VSIG1: variants seen among roughly 807,000 people sequenced by gnomAD.
VSIG1 encodes the protein V-set and immunoglobulin domain-containing protein 1.
VSIG1 carries 11 observed loss-of-function variants against 20.1 expected under a neutral mutation model. The observed-to-expected ratio is 0.55, with a 90% CI of 0.34 to 0.91. The LOEUF (loss-of-function observed/expected upper bound fraction) is 0.91, where lower values mean the gene tolerates loss of function less well. Ranked by LOEUF, VSIG1 falls within the 40% of genes least tolerant of loss-of-function variation. VSIG1 has a pLI of 0.02. For missense variants in VSIG1, 283 were observed against 298.8 expected (o/e 0.95, Z 0.39); for synonymous variants, 126 against 116.7 (o/e 1.08, Z -0.52).
the VSIG1 span, among the ~76,000 whole-genome samples, chrX:108,023,705 A>G: frequency 9.0e-6 from 1 of 111,553 alleles, no homozygotes; most frequent in East Asian, 2.8e-4. Context: ...AAGTTTTGTT[A>G]ATTACATTTC....
chrX:108,079,047 C>A lies in VSIG1; in HGVS notation c.*1666C>A, dbSNP rs2031402005. On this transcript the variant is annotated 3_prime_UTR_variant, in exon 7 of 7. Transcript: ENST00000217957. ...TTACCTTTTCACTTGTGGAATTAAT[C>A]ATATTTAAATCTTACTTTAAGGCTC... 1 of 112,343 alleles carries A rather than the reference C, an allele frequency of 8.9e-6. No homozygotes were observed. Among genetic ancestry groups the A allele is most frequent in the East Asian group, 2.8e-4 (1 of 3,592 alleles). 9.3% of individuals were successfully genotyped at this position (112,343 alleles called of 1,213,427 possible).
chrX:108,032,337 T>A, the VSIG1 span, among the ~76,000 whole-genome samples: 11 of 112,247 alleles, frequency 9.8e-5, no homozygotes, highest in Non-Finnish European at 1.7e-4. Context: ...CGCTTCTGTA[T>A]CCACCCATCC....
At chrX:108,063,638 G>C (rs1392008719) in intron 2 of VSIG1, among the ~76,000 whole-genome samples, 1 of 110,843 alleles carries the variant, frequency 9.0e-6, no homozygotes, top group Non-Finnish European at 1.9e-5. Context: ...AATATCCATC[G>C]GGCTCCTGAA....
chrX:108,077,500 G>GT lies in VSIG1; in HGVS notation c.*120dup. On this transcript the variant is annotated 3_prime_UTR_variant, in exon 7 of 7. Coordinates refer to ENST00000217957, the MANE Select transcript of VSIG1 (RefSeq NM_182607.5). ...TTTTGACCAACCTTCTTCTAACAAG[G>GT]TGCTCATTCCTACTATGAATCCAGA... 2.3e-6 allele frequency: 2 copies of GT among 861,048 alleles called. No individual in the cohort carries two copies. Among genetic ancestry groups the GT allele is most frequent in the Non-Finnish European group, 1.6e-6 (1 of 613,440 alleles). The allele number at this position is 861,048 out of a possible 1,213,427, so 71.0% of individuals were successfully genotyped here. A position where few individuals can be genotyped will look rare whatever the true frequency, so the allele number is the denominator to read the frequency against.
chrX:108,067,488 C>T (rs973205058), intron 3 of VSIG1, among the ~76,000 whole-genome samples: 3 of 111,799 alleles, frequency 2.7e-5, no homozygotes, highest in African/African-American at 9.8e-5. Context: ...CCATTTACAG[C>T]CAGATCTACC....
intron 2 of VSIG1, among the ~76,000 whole-genome samples, 164 bp downstream of exon 2, chrX:108,058,365 C>G (rs1469561754): frequency 5.4e-5 from 6 of 112,079 alleles, no homozygotes; most frequent in Non-Finnish European, 1.9e-5. Context: ...AGATCATCAT[C>G]TAAGTGACTT....
At chrX:108,063,793 A>C (rs905479585) in intron 2 of VSIG1, among the ~76,000 whole-genome samples, 1 of 111,555 alleles carries the variant, frequency 9.0e-6, no homozygotes, top group Non-Finnish European at 1.9e-5. Flanking sequence ...GCAGTCTACC[A>C]TGAACCCAAG....
chrX:108,070,908 G>A (rs1251813803), intron 3 of VSIG1, among the ~76,000 whole-genome samples: 2 of 112,178 alleles, frequency 1.8e-5, no homozygotes, highest in South Asian at 7.4e-4. Context: ...GTCTGGGAAG[G>A]CTGAACTGAG....
rs2030543658 is a variant in VSIG1, at chrX:108,045,127, C to T, written c.-4C>T. ...ACCTGCTGCTCTCAACTAACCTCCA[C>T]ACAATGGTGTTCGCATTTTGGAAGG... On this transcript the variant is annotated 5_prime_UTR_variant, in exon 1 of 7. Transcript: ENST00000217957. 1 of 1,185,995 alleles carries T rather than the reference C, an allele frequency of 8.4e-7. No homozygotes were observed. The highest frequency in any genetic ancestry group is 1.8e-5 in the African/African-American group (1 of 56,520).
intron 3 of VSIG1, among the ~76,000 whole-genome samples, chrX:108,067,433 A>G (rs2031155523): frequency 9.0e-6 from 1 of 111,608 alleles, no homozygotes; most frequent in South Asian, 3.8e-4. Context: ...GAGACAATCC[A>G]CTGTCCCACA....
rs1270803825 is a variant in VSIG1, at chrX:108,047,969, T to TACAC, written c.49+2791_49+2792insCACA. 7.0e-3 allele frequency among the ~76,000 whole-genome samples: 303 copies of TACAC among 43,058 alleles called. 14 individuals are homozygous for TACAC. The highest frequency in any genetic ancestry group is 0.067 in the East Asian group (111 of 1,656). The allele number at this position is 43,058 out of a possible 115,157, so 37.4% of individuals were successfully genotyped here. A position where few individuals can be genotyped will look rare whatever the true frequency, so the allele number is the denominator to read the frequency against. ...ATATATATATACACACACATATATA[T>TACAC]ATATATATATATATATATATATATA... On this transcript the variant is annotated intron_variant, in intron 1 of 6. Coordinates refer to ENST00000217957, the MANE Select transcript of VSIG1 (RefSeq NM_182607.5).
intron 2 of VSIG1, chrX:108,061,600 C>G: frequency 1.1e-6 from 1 of 941,696 alleles, no homozygotes; most frequent in Non-Finnish European, 1.5e-6. Flanking sequence ...GGCACTGGCA[C>G]CAGCTTTAGG....
chrX:108,076,858 A>G (rs763180347), intron 6 of VSIG1, among the ~76,000 whole-genome samples, 190 bp from the exon 7 acceptor site: 1 of 112,329 alleles, frequency 8.9e-6, no homozygotes, highest in East Asian at 2.8e-4. Context: ...CTTTCATGAT[A>G]TTGTTGAGAC....
At chrX:108,037,332 G>A in the VSIG1 span, among the ~76,000 whole-genome samples, 1 of 111,659 alleles carries the variant, frequency 9.0e-6, no homozygotes, top group Non-Finnish European at 1.9e-5. Flanking sequence ...ATATGAAAAA[G>A]CTTTAGCCTC....
At chrX:108,036,570 A>G in the VSIG1 span, among the ~76,000 whole-genome samples, 3 of 112,089 alleles carry the variant, frequency 2.7e-5, no homozygotes, top group Non-Finnish European at 3.8e-5. Context: ...ATCCCAGGCT[A>G]CTCAGCACAA....
At chrX:108,026,905 T>C in the VSIG1 span, among the ~76,000 whole-genome samples, 1 of 111,754 alleles carries the variant, frequency 8.9e-6, no homozygotes, top group East Asian at 2.8e-4. Context: ...GATACATAAA[T>C]GGCCAATAAA....
At chrX:108,053,617 A>C (rs1162133977) in intron 1 of VSIG1, among the ~76,000 whole-genome samples, 2 of 112,019 alleles carry the variant, frequency 1.8e-5, no homozygotes, top group Non-Finnish European at 3.8e-5. Context: ...AAAATAGCAA[A>C]CAAGAATAAT....
chrX:108,051,271 C>T (rs1469798784), intron 1 of VSIG1, among the ~76,000 whole-genome samples: 3 of 111,175 alleles, frequency 2.7e-5, no homozygotes, highest in Non-Finnish European at 3.8e-5. Context: ...CCTCTCCTAC[C>T]CATAGAGACA....
chrX:108,027,403 C>A, the VSIG1 span, among the ~76,000 whole-genome samples: 17 of 111,665 alleles, frequency 1.5e-4, no homozygotes, highest in Non-Finnish European at 2.6e-4. Flanking sequence ...TTAAAGAAGC[C>A]AGATACAAAA....
Sources: gnomAD v4.1 joint callset for allele counts (sites outside exome capture counted in the v4.1 genomes callset) on GRCh38, gnomAD v4.1.1 for gene constraint, MANE v1.5 for transcripts, NCBI Gene and HGNC (gene_info 2026-07-23, HGNC 2026-07-21) for gene names.